MSRA: variants seen among roughly 807,000 people sequenced by gnomAD.
MSRA encodes the protein methionine sulfoxide reductase A.
A neutral mutation model predicts 31.3 loss-of-function variants in MSRA; 54 were observed. That is an observed-to-expected ratio of 1.73 (90% CI 1.39 to 2.17). MSRA has a LOEUF of 2.17. Among genes scored for constraint, MSRA ranks in the 30% most tolerant of loss-of-function variants. The pLI, the probability that MSRA is intolerant of heterozygous loss-of-function variation, is 0.00. For synonymous variants in MSRA, 169 were observed against 116.5 expected, an observed-to-expected ratio of 1.45 and a Z score of -2.90; for missense variants, 507 against 300.9, an observed-to-expected ratio of 1.69 and a Z score of -5.07.
intron 5 of MSRA, chr8:10,354,074 T>G (rs1804362823): frequency 1.3e-5 from 2 of 153,042 alleles, no homozygotes; most frequent in Admixed American, 1.3e-4. Context: ...TTCACTGTTT[T>G]CAGTGTTTGC....
intron 1 of MSRA, among the ~76,000 whole-genome samples, chr8:10,089,591 G>A (rs895061981): frequency 7.2e-5 from 11 of 152,174 alleles, no homozygotes; most frequent in Non-Finnish European, 1.6e-4. Context: ...GTCATTTTGT[G>A]TTGCTATAAA....
chr8:10,338,661 A>G (rs1405400195), intron 5 of MSRA, among the ~76,000 whole-genome samples: 1 of 152,258 alleles, frequency 6.6e-6, no homozygotes, highest in Non-Finnish European at 1.5e-5. Flanking sequence ...GAAGAATTGT[A>G]TAGAAAGAAA....
chr8:10,251,861 T>G (rs1462500474), intron 3 of MSRA, among the ~76,000 whole-genome samples: 341 of 139,890 alleles, frequency 2.4e-3, no homozygotes, highest in Non-Finnish European at 3.3e-3. Flanking sequence ...GTTGACATGG[T>G]GGGGGGGGGG....
chr8:10,068,750 T>A (rs1797585401), intron 1 of MSRA, among the ~76,000 whole-genome samples: 1 of 152,182 alleles, frequency 6.6e-6, no homozygotes, highest in African/African-American at 2.4e-5. Flanking sequence ...TAATATTGAG[T>A]TAGCTATTCT....
chr8:10,167,043 A>G (rs1284785054), intron 1 of MSRA, among the ~76,000 whole-genome samples: 2 of 152,158 alleles, frequency 1.3e-5, no homozygotes, highest in African/African-American at 2.4e-5. Flanking sequence ...TGCAGAGCCA[A>G]ATATCTTGGC....
At chr8:10,319,398 T>G (rs973737825) in intron 4 of MSRA, among the ~76,000 whole-genome samples, 12 of 152,078 alleles carry the variant, frequency 7.9e-5, no homozygotes, top group Admixed American at 7.2e-4. Flanking sequence ...GTAGGTGACT[T>G]TAGTCATAGG....
intron 2 of MSRA, among the ~76,000 whole-genome samples, chr8:10,237,165 C>G (rs953944996): frequency 2.6e-5 from 4 of 152,188 alleles, no homozygotes; most frequent in African/African-American, 7.2e-5. Flanking sequence ...TTGAGTTTTT[C>G]TCCTCTGCTA....
intron 5 of MSRA, among the ~76,000 whole-genome samples, chr8:10,386,927 A>G (rs573714274): frequency 5.3e-5 from 8 of 152,020 alleles, no homozygotes; most frequent in East Asian, 3.9e-4. Flanking sequence ...ATTAGCCCCA[A>G]AGGCATGGGA....
At chr8:10,078,445 G>T (rs1798107986) in intron 1 of MSRA, among the ~76,000 whole-genome samples, 2 of 152,250 alleles carry the variant, frequency 1.3e-5, no homozygotes, top group Admixed American at 6.5e-5. Context: ...CGTTCACATG[G>T]TTGCTGTGGT....
At chr8:10,254,149 C>A (rs1211014791) in intron 3 of MSRA, among the ~76,000 whole-genome samples, 1 of 152,044 alleles carries the variant, frequency 6.6e-6, no homozygotes, top group South Asian at 2.1e-4. Context: ...TGAAGTCTCT[C>A]AGGGAATGCC....
chr8:10,184,056 G>C (rs1253721100), intron 1 of MSRA, among the ~76,000 whole-genome samples: 2 of 149,344 alleles, frequency 1.3e-5, no homozygotes, highest in Non-Finnish European at 3.0e-5. Flanking sequence ...GATGTTGTTG[G>C]TGTTGGTAGT....
intron 3 of MSRA, among the ~76,000 whole-genome samples, chr8:10,266,303 C>T (rs961719956): frequency 7.9e-5 from 12 of 152,104 alleles, no homozygotes; most frequent in African/African-American, 2.4e-4. Flanking sequence ...GGTGTGTAGC[C>T]GTATCCTACT....
chr8:10,427,556 G>A (rs1437499488), intron 5 of MSRA, among the ~76,000 whole-genome samples: 1 of 152,172 alleles, frequency 6.6e-6, no homozygotes, highest in Non-Finnish European at 1.5e-5. Context: ...ACCAGGACGT[G>A]CCAGCAGGGT....
intron 1 of MSRA, chr8:10,096,340 T>G: frequency 9.6e-7 from 1 of 1,045,146 alleles, no homozygotes; most frequent in Non-Finnish European, 1.2e-6. Flanking sequence ...CATTATTTTT[T>G]TGTGTGTCTT....
At chr8:10,408,093 CTG>C (rs572802583) in intron 5 of MSRA, among the ~76,000 whole-genome samples, 267 of 152,314 alleles carry the variant, frequency 1.8e-3, no homozygotes, top group Middle Eastern at 3.4e-3. Context: ...AGCAGGAAAA[CTG>C]TGTCACCACA....
intron 2 of MSRA, among the ~76,000 whole-genome samples, chr8:10,243,147 G>A (rs371325052): frequency 1.3e-4 from 20 of 152,258 alleles, no homozygotes; most frequent in East Asian, 3.9e-4. Context: ...GGCCTGCCAC[G>A]GACCTTGTAC....
intron 3 of MSRA, among the ~76,000 whole-genome samples, chr8:10,290,844 G>A (rs1486645879): frequency 6.6e-6 from 1 of 152,160 alleles, no homozygotes; most frequent in Admixed American, 6.5e-5. Context: ...CTTGGCTGCA[G>A]GGATACCATG....
At chr8:10,089,043 T>G (rs1465276623) in intron 1 of MSRA, among the ~76,000 whole-genome samples, 1 of 152,062 alleles carries the variant, frequency 6.6e-6, no homozygotes, top group Non-Finnish European at 1.5e-5. Context: ...ACAGATATAT[T>G]GGACAAATGA....
chr8:10,407,628 G>A (rs1167928439), intron 5 of MSRA, among the ~76,000 whole-genome samples: 1 of 152,164 alleles, frequency 6.6e-6, no homozygotes, highest in African/African-American at 2.4e-5. Context: ...CTCCGGGTTT[G>A]CACGGGGTGC....
Sources: allele counts gnomAD v4.1 joint callset (sites outside exome capture counted in the v4.1 genomes callset), GRCh38; gene constraint gnomAD v4.1.1; transcripts MANE v1.5; gene names NCBI Gene and HGNC (gene_info 2026-07-23, HGNC 2026-07-21).